MRE11: variants seen among roughly 807,000 people sequenced by gnomAD.
The protein encoded by MRE11 is double-strand break repair protein MRE11.
In MRE11, 62 loss-of-function variants were observed where a neutral mutation model predicts 91.7. The ratio of observed to expected loss-of-function variants is 0.68; its 90% CI spans 0.55 to 0.84. The LOEUF is 0.84. MRE11 is among the 40% of genes least tolerant of loss of function. The pLI is 0.00. For synonymous variants in MRE11, 273 were observed against 271.4 expected, an observed-to-expected ratio of 1.01 and a Z score of -0.06; for missense variants, 796 against 852.9, an observed-to-expected ratio of 0.93 and a Z score of 0.83.
chr11:94,462,170 C>T (rs1334372733), intron 11 of MRE11, among the ~76,000 whole-genome samples: 2 of 152,104 alleles, frequency 1.3e-5, no homozygotes, highest in Non-Finnish European at 2.9e-5. Context: ...GAGTGAACTC[C>T]CATTCACAAT....
intron 5 of MRE11, 58 bp downstream of exon 5, chr11:94,479,612 CACAG>C (rs1946962317): frequency 2.8e-6 from 4 of 1,439,504 alleles, no homozygotes; most frequent in Non-Finnish European, 3.9e-6. Context: ...GCATGCTTTC[CACAG>C]ACAAACTAAA....
chr11:94,432,144 G>A (rs1945477326), intron 18 of MRE11, among the ~76,000 whole-genome samples: 1 of 152,138 alleles, frequency 6.6e-6, no homozygotes, highest in South Asian at 2.1e-4. Flanking sequence ...TCTATCAGCT[G>A]GAACCAAAGG....
chr11:94,455,508 C>T (rs762904533), intron 14 of MRE11, among the ~76,000 whole-genome samples: 4 of 151,846 alleles, frequency 2.6e-5, no homozygotes, highest in Non-Finnish European at 5.9e-5. Flanking sequence ...TCATAAAACA[C>T]TAAGGGCAAT....
At position 94,471,653 on chromosome 11, in the gene MRE11, T is replaced by C. The variant is rs755853053; in HGVS notation, c.766A>G (p.Asn256Asp). Residue 256 changes from asparagine (N) to aspartate (D), a missense_variant, in exon 8 of 20, where the codon AAT (asparagine) becomes GAT (aspartate). Coordinates refer to ENST00000323929, the MANE Select transcript of MRE11 (RefSeq NM_005591.4). ...GAGATATAAAACAGCTGTTGTTCAT[T>C]TTTGGTTGGAGCTATTTTACACTCA... ...EHECKIAPTK[N>D]EQQLFYISQP... The C allele has an allele frequency of 4.3e-6, 7 of 1,612,918 alleles. No homozygotes were observed. In the South Asian group the frequency reaches 6.6e-5, roughly 15 times the overall value.
Position 94,419,768 on chromosome 11 carries a change from C to T in MRE11, c.*357G>A, listed in dbSNP as rs1195528693. 6 of 251,118 alleles carry T rather than the reference C, an allele frequency of 2.4e-5. No homozygotes were observed. Among genetic ancestry groups the T allele is most frequent in the South Asian group, 2.5e-4 (2 of 7,878 alleles). The allele number at this position is 251,118 out of a possible 1,614,324, so 15.6% of individuals were successfully genotyped here. On this transcript the variant is annotated 3_prime_UTR_variant, in exon 20 of 20. Coordinates refer to ENST00000323929, the MANE Select transcript of MRE11 (RefSeq NM_005591.4). The stretch of plus-strand genomic sequence containing the variant: ...TTTACTTTCAGAAAACCCAGAACCT[C>T]TAGGAAATTACTAAAATTATGAAGA...
intron 4 of MRE11, among the ~76,000 whole-genome samples, chr11:94,481,030 C>T (rs1390033524): frequency 1.3e-5 from 2 of 152,060 alleles, no homozygotes; most frequent in African/African-American, 2.4e-5. Flanking sequence ...AGGTTTAGGC[C>T]GGATGCGGTG....
At position 94,475,409 on chromosome 11, in the gene MRE11, G is replaced by C. The variant is rs116432514; in HGVS notation, c.659+880C>G. The C allele has an allele frequency of 3.4e-3, 1,105 of 327,208 alleles. 6 individuals are homozygous for C. Among genetic ancestry groups the C allele is most frequent in the African/African-American group, 0.02 (924 of 46,596 alleles). The allele number at this position is 327,208 out of a possible 1,614,324, so 20.3% of individuals were successfully genotyped here. On this transcript the variant is annotated intron_variant, in intron 7 of 19. Transcript: ENST00000323929. Reference sequence around the variant, plus strand: ...ATCCCAGGATTTTAGGTCCTGGACCGAACACCCCCCGTGGATACCAAGGGA... The same window carrying C: ...ATCCCAGGATTTTAGGTCCTGGACCCAACACCCCCCGTGGATACCAAGGGA...
chr11:94,449,706 T>C (rs1302154407), intron 14 of MRE11, among the ~76,000 whole-genome samples: 1 of 152,230 alleles, frequency 6.6e-6, no homozygotes, highest in Non-Finnish European at 1.5e-5. Context: ...AGCTAAATGG[T>C]ACAGTCTACT....
At chr11:94,465,385 C>G (rs1195960706) in intron 10 of MRE11, among the ~76,000 whole-genome samples, 1 of 146,468 alleles carries the variant, frequency 6.8e-6, no homozygotes, top group East Asian at 2.0e-4. Context: ...CAGACCATCT[C>G]TCTCTCTCTC....
At chr11:94,465,922 T>A (rs13447642) in intron 10 of MRE11, among the ~76,000 whole-genome samples, 1 of 152,078 alleles carries the variant, frequency 6.6e-6, no homozygotes, top group African/African-American at 2.4e-5. Context: ...AAGAAAAACA[T>A]GTAAACAGAT....
In MRE11 at chr11:94,470,556, T is replaced by G; in HGVS notation, c.932A>C (p.Asp311Ala). The change falls in exon 9 of 20, where the codon GAT becomes GCT. Residue 311 changes from aspartate to alanine, a missense_variant. Transcript: ENST00000323929. ...GTCTGGATGATTAGCTAGAACAATA[T>G]CCTCCATGAAAAACTGCCGCACTGT... ...LHTVRQFFMEDIVLANHPDIF... is the reference protein window; with the variant it reads ...LHTVRQFFMEAIVLANHPDIF... 1.9e-6 allele frequency: 3 copies of G among 1,613,272 alleles called. No individual in the cohort carries two copies. The highest frequency in any genetic ancestry group is 2.5e-6 in the Non-Finnish European group (3 of 1,179,402).
In MRE11 at chr11:94,435,884, C is replaced by G; in HGVS notation, c.1942G>C (p.Glu648Gln). ...AAAATGTCTTCTTCCACATCTGATTCATCTACCTCAATCACCTGGCAAGGA... is the reference window on the plus strand; with the variant it reads ...AAAATGTCTTCTTCCACATCTGATTGATCTACCTCAATCACCTGGCAAGGA... Reference protein sequence around the residue: ...KNYSEVIEVDESDVEEDIFPT... With the variant: ...KNYSEVIEVDQSDVEEDIFPT... The change falls in exon 18 of 20, where the codon GAA becomes CAA. Residue 648 changes from glutamate to glutamine, a missense_variant. Glu to Gln is a conservative substitution (Grantham distance 29). Transcript: ENST00000323929. 1 of 1,613,828 alleles carries G rather than the reference C, an allele frequency of 6.2e-7. No individual in the cohort carries two copies. The highest frequency in any genetic ancestry group is 8.5e-7 in the Non-Finnish European group (1 of 1,179,886).
At chr11:94,495,057 A>T (rs949518834), upstream of MRE11, among the ~76,000 whole-genome samples, 1 of 152,228 alleles carries the variant, frequency 6.6e-6, no homozygotes, top group Non-Finnish European at 1.5e-5. Context: ...GATTGGCCTT[A>T]GGAATACTTT....
At chr11:94,482,960 A>G (rs1947049964) in intron 4 of MRE11, among the ~76,000 whole-genome samples, 1 of 152,158 alleles carries the variant, frequency 6.6e-6, no homozygotes, top group African/African-American at 2.4e-5. Context: ...AAAAATAAAA[A>G]ATGTCCCAAG....
At chr11:94,424,197 A>G (rs1945248759) in intron 19 of MRE11, among the ~76,000 whole-genome samples, 1 of 152,206 alleles carries the variant, frequency 6.6e-6, no homozygotes, top group Non-Finnish European at 1.5e-5. Context: ...TCCACTGGAC[A>G]CTAATGTTAA....
upstream of MRE11, chr11:94,494,202 T>G (rs563669721): frequency 1.3e-5 from 2 of 152,092 alleles, no homozygotes; most frequent in African/African-American, 2.4e-5. Context: ...CGCTCTTGGC[T>G]GTTTGGAAGG....
At chr11:94,497,130 G>A, upstream of MRE11, 2 of 765,498 alleles carry the variant, frequency 2.6e-6, no homozygotes, top group Non-Finnish European at 4.3e-6. Context: ...TATTATTTGG[G>A]GGTTTAAGGA....
At chr11:94,507,321 T>C in the MRE11 span, among the ~76,000 whole-genome samples, 21 of 152,248 alleles carry the variant, frequency 1.4e-4, no homozygotes, top group Non-Finnish European at 2.6e-4. Context: ...TTTTTATTGA[T>C]GTATTCCGTT....
rs1591729596 is a variant in MRE11 at position 94,492,508 on chromosome 11, C to T, written c.20+274G>A. The T allele has an allele frequency of 6.5e-6, 4 of 611,940 alleles. No homozygotes were observed. In the East Asian group the frequency reaches 1.1e-4, roughly 17 times the overall value. The allele number at this position is 611,940 out of a possible 1,614,324, so 37.9% of individuals were successfully genotyped here. ...GAAAATTCAAGAATATTTATCACTT[C>T]AATAATTTAAGATGAAGCCTAAGAA... On this transcript the variant is annotated intron_variant, in intron 2 of 19. Transcript: ENST00000323929.
Sources: gnomAD v4.1 joint callset for allele counts (sites outside exome capture counted in the v4.1 genomes callset) on GRCh38, gnomAD v4.1.1 for gene constraint, MANE v1.5 for transcripts, NCBI Gene and HGNC (gene_info 2026-07-23, HGNC 2026-07-21) for gene names.